The following RABGAP1L variants were observed in gnomAD, a reference collection of about 807,000 sequenced individuals.
The protein encoded by RABGAP1L is RAB GTPase activating protein 1 like, also known as rab GTPase-activating protein 1-like.
RABGAP1L carries 63 observed loss-of-function variants against 137.7 expected under a neutral mutation model. That is an observed-to-expected ratio of 0.46 (90% CI 0.37 to 0.56). The LOEUF is 0.56. Among genes scored for constraint, RABGAP1L ranks in the 20% least tolerant of loss-of-function variants. RABGAP1L has a pLI of 0.00. For missense variants in RABGAP1L, 1,095 were observed against 1,244.0 expected (o/e 0.88, Z 1.80); for synonymous variants, 431 against 433.7 (o/e 0.99, Z 0.08).
chr1:174,393,637 A>G (rs1425596212), intron 12 of RABGAP1L, among the ~76,000 whole-genome samples: 2 of 152,206 alleles, frequency 1.3e-5, no homozygotes, highest in Non-Finnish European at 2.9e-5. Flanking sequence ...CTTGCTGTAC[A>G]TTCATTTCAG....
intron 13 of RABGAP1L, among the ~76,000 whole-genome samples, chr1:174,502,547 A>G (rs1018696938): frequency 6.8e-6 from 1 of 148,064 alleles, no homozygotes; most frequent in African/African-American, 2.5e-5. Context: ...ACTCAAGAGA[A>G]ACAGAGATAA....
At chr1:174,171,321 T>C (rs1665363608) in intron 1 of RABGAP1L, among the ~76,000 whole-genome samples, 1 of 152,206 alleles carries the variant, frequency 6.6e-6, no homozygotes, top group Non-Finnish European at 1.5e-5. Flanking sequence ...TAAAATTGTT[T>C]ATATTTAAGG....
At chr1:174,545,493 A>C (rs1307055321) in intron 13 of RABGAP1L, 1 of 152,360 alleles carries the variant, frequency 6.6e-6, no homozygotes, top group African/African-American at 2.4e-5. Flanking sequence ...TTTTCCAGGT[A>C]CTATCTGTCA....
chr1:174,574,259 A>G (rs542955234), intron 13 of RABGAP1L, among the ~76,000 whole-genome samples: 3 of 152,364 alleles, frequency 2.0e-5, no homozygotes, highest in East Asian at 1.9e-4. Context: ...TTCCTGATAT[A>G]TAATACAAAA....
intron 19 of RABGAP1L, among the ~76,000 whole-genome samples, chr1:174,904,368 C>T (rs1291699857): frequency 1.3e-5 from 2 of 152,114 alleles, no homozygotes; most frequent in Non-Finnish European, 2.9e-5. Flanking sequence ...AAGACTATGT[C>T]TCTAAAACAA....
At chr1:174,701,113 C>T in intron 16 of RABGAP1L, 2 of 1,304,376 alleles carry the variant, frequency 1.5e-6, no homozygotes, top group Non-Finnish European at 2.0e-6. Flanking sequence ...TTTAGGAAAA[C>T]AAAATGAAGG....
chr1:174,684,395 A>G (rs571694033), intron 15 of RABGAP1L, among the ~76,000 whole-genome samples: 4 of 152,204 alleles, frequency 2.6e-5, no homozygotes, highest in Non-Finnish European at 5.9e-5. Flanking sequence ...GAGAAAATGT[A>G]TGGAAGTATG....
intron 24 of RABGAP1L, among the ~76,000 whole-genome samples, chr1:174,983,664 G>A (rs540007034): frequency 6.6e-6 from 1 of 152,176 alleles, no homozygotes; most frequent in East Asian, 1.9e-4. Flanking sequence ...GCTTCATTTT[G>A]TGTTCTATAA....
intron 7 of RABGAP1L, among the ~76,000 whole-genome samples, chr1:174,254,456 T>C (rs1172829145): frequency 6.6e-6 from 1 of 152,152 alleles, no homozygotes; most frequent in Admixed American, 6.6e-5. Flanking sequence ...CACACATGCA[T>C]TACCTATTTG....
chr1:174,882,983 T>TG (rs908589691), intron 19 of RABGAP1L, among the ~76,000 whole-genome samples: 1 of 152,088 alleles, frequency 6.6e-6, no homozygotes, highest in African/African-American at 2.4e-5. Context: ...CCACCATGCC[T>TG]GGCTAATTTT....
chr1:174,761,623 C>T lies in RABGAP1L; in HGVS notation c.2211+9269C>T, dbSNP rs1189798382. On this transcript the variant is annotated intron_variant, in intron 18 of 25. Transcript: ENST00000681986. This position sits in a 1 kb window ranked among gnomAD's most constrained non-coding sequence, Gnocchi z 4.0. Reference sequence around the variant, plus strand: ...GCCAGGCAGAGGCACTCCTCACTTCCCAGACGGAGACAGTGTGGGGGCCGG... The same window carrying T: ...GCCAGGCAGAGGCACTCCTCACTTCTCAGACGGAGACAGTGTGGGGGCCGG... Among the ~76,000 whole-genome samples, 2 of 152,208 alleles carry T rather than the reference C, an allele frequency of 1.3e-5. No homozygotes were observed. Among genetic ancestry groups the T allele is most frequent in the Non-Finnish European group, 2.9e-5 (2 of 68,028 alleles).
At chr1:174,674,061 GTT>G (rs202020221) in intron 14 of RABGAP1L, among the ~76,000 whole-genome samples, 3 of 140,558 alleles carry the variant, frequency 2.1e-5, no homozygotes, top group African/African-American at 5.3e-5. Context: ...AGTGTTCAGA[GTT>G]TTTTTTTTTC....
chr1:174,768,049 T>G (rs1685823149), intron 18 of RABGAP1L, among the ~76,000 whole-genome samples: 1 of 152,212 alleles, frequency 6.6e-6, no homozygotes, highest in Admixed American at 6.5e-5. Context: ...CACATGGGAA[T>G]TATGCGAGTA....
At chr1:174,833,564 A>G (rs1183632296) in intron 19 of RABGAP1L, among the ~76,000 whole-genome samples, 1 of 146,872 alleles carries the variant, frequency 6.8e-6, no homozygotes, top group African/African-American at 2.5e-5. Flanking sequence ...GGCATGAGCC[A>G]TCACACCCAG....
chr1:174,470,365 A>T (rs945033816), intron 13 of RABGAP1L, among the ~76,000 whole-genome samples: 1 of 152,228 alleles, frequency 6.6e-6, no homozygotes, highest in Non-Finnish European at 1.5e-5. Flanking sequence ...TACCTTTTGT[A>T]TACAAAGGTG....
chr1:174,758,961 A>ACTTGAAAAT (rs1228783781), intron 18 of RABGAP1L, among the ~76,000 whole-genome samples: 2 of 152,134 alleles, frequency 1.3e-5, no homozygotes, highest in Non-Finnish European at 2.9e-5. Context: ...AGTCCTGTGG[A>ACTTGAAAAT]TTCTACTTCT....
chr1:174,904,653 C>CT (rs555952499), intron 19 of RABGAP1L, among the ~76,000 whole-genome samples: 147 of 150,576 alleles, frequency 9.8e-4, no homozygotes, highest in Admixed American at 1.5e-3. Flanking sequence ...TTTTTCTTTT[C>CT]TTTTTTTTTA....
intron 19 of RABGAP1L, among the ~76,000 whole-genome samples, chr1:174,880,399 A>G (rs577395632): frequency 2.6e-4 from 39 of 152,246 alleles, no homozygotes; most frequent in Middle Eastern, 6.8e-3. Context: ...TGGGAGGCCA[A>G]TGCAAGAGGA....
intron 1 of RABGAP1L, among the ~76,000 whole-genome samples, chr1:174,162,502 A>G (rs774869111): frequency 1.4e-3 from 215 of 152,208 alleles, no homozygotes; most frequent in Non-Finnish European, 2.6e-3. Context: ...CCTATATTGA[A>G]GGTGTAGAAG....
Sources: allele counts gnomAD v4.1 joint callset (sites outside exome capture counted in the v4.1 genomes callset), GRCh38; gene constraint gnomAD v4.1.1; non-coding constraint Gnocchi (gnomAD v3.1); transcripts MANE v1.5; gene names NCBI Gene and HGNC (gene_info 2026-07-23, HGNC 2026-07-21).